PCDHA4: variants seen among roughly 807,000 people sequenced by gnomAD.
PCDHA4 encodes protocadherin alpha 4.
PCDHA4 carries 49 observed loss-of-function variants against 61.4 expected under a neutral mutation model. That is an observed-to-expected ratio of 0.80 (90% CI 0.63 to 1.01). The LOEUF (loss-of-function observed/expected upper bound fraction) is 1.01, where lower values mean the gene tolerates loss of function less well. Among genes scored for constraint, PCDHA4 ranks in the 50% least tolerant of loss-of-function variants. The pLI, the probability that PCDHA4 is intolerant of heterozygous loss-of-function variation, is 0.00. For synonymous variants in PCDHA4, 590 were observed against 550.3 expected (o/e 1.07, Z -1.01); for missense variants, 1,254 against 1,235.8 (o/e 1.01, Z -0.22).
chr5:140,850,641 C>G lies in PCDHA4; in HGVS notation c.2385+41069C>G, dbSNP rs2041729917. 1.9e-6 allele frequency: 3 copies of G among 1,598,540 alleles called. No homozygotes were observed. Among genetic ancestry groups the G allele is most frequent in the African/African-American group, 1.3e-5 (1 of 74,394 alleles). On this transcript the variant is annotated intron_variant, in intron 1 of 3. Coordinates refer to ENST00000530339, the MANE Select transcript of PCDHA4 (RefSeq NM_018907.4). ...GTCTAGCCTGTTGGTTCTCACGCTG[C>G]TGCTGTACACTGTGCTGCGGTGCTC...
intron 3 of PCDHA4, among the ~76,000 whole-genome samples, chr5:140,990,741 G>A (rs528078912): frequency 4.3e-4 from 65 of 152,270 alleles, no homozygotes; most frequent in African/African-American, 1.2e-3. Context: ...ACAGCCCTAG[G>A]GTGGATACCT....
intron 1 of PCDHA4, among the ~76,000 whole-genome samples, chr5:140,817,959 T>G (rs1302606162): frequency 6.6e-6 from 1 of 152,216 alleles, no homozygotes; most frequent in Non-Finnish European, 1.5e-5. Context: ...TCAATTAGTG[T>G]GTCTTTTTTT....
chr5:140,876,195 G>A (rs1554168359), intron 1 of PCDHA4: 2 of 1,613,944 alleles, frequency 1.2e-6, no homozygotes, highest in Admixed American at 1.7e-5. Flanking sequence ...ATGGTCCGGC[G>A]TTTGATAAGC....
chr5:140,832,249 G>A (rs1268506433), intron 1 of PCDHA4, among the ~76,000 whole-genome samples: 1 of 152,168 alleles, frequency 6.6e-6, no homozygotes, highest in Non-Finnish European at 1.5e-5. Context: ...TGTTGTCCAT[G>A]TTCCCAGGAA....
At position 140,842,992 on chromosome 5, in the gene PCDHA4, C is replaced by G. The variant is rs144435690; in HGVS notation, c.2385+33420C>G. On this transcript the variant is annotated intron_variant, in intron 1 of 3. Coordinates refer to ENST00000530339, the MANE Select transcript of PCDHA4 (RefSeq NM_018907.4). The stretch of plus-strand genomic sequence containing the variant: ...TGACGCTGCAGGTGTTCGTGCTGGA[C>G]GAGAATGACAACGCGCCGGCACTGC... 42 of 1,594,970 alleles carry G rather than the reference C, an allele frequency of 2.6e-5. 1 individual carries two copies. In the African/African-American group the frequency reaches 5.2e-4, roughly 20 times the overall value.
chr5:140,874,547 G>C (rs2054980934), intron 1 of PCDHA4, among the ~76,000 whole-genome samples: 1 of 152,190 alleles, frequency 6.6e-6, no homozygotes, highest in Non-Finnish European at 1.5e-5. Context: ...AACCCTTTAA[G>C]AGATCTTTCG....
intron 1 of PCDHA4, chr5:140,966,689 G>A (rs1002366053): frequency 2.2e-6 from 3 of 1,343,650 alleles, no homozygotes; most frequent in Non-Finnish European, 2.9e-6. Context: ...GAGCGGAGGC[G>A]GGGCCCGGGC....
chr5:140,983,005 A>AAAGG (rs1223217874), intron 3 of PCDHA4, among the ~76,000 whole-genome samples: 11 of 152,228 alleles, frequency 7.2e-5, no homozygotes, highest in African/African-American at 2.4e-4. Flanking sequence ...AAAGAAAGAA[A>AAAGG]AAGGAAGGAA....
intron 1 of PCDHA4, chr5:140,875,365 A>T: frequency 6.9e-7 from 1 of 1,449,394 alleles, no homozygotes; most frequent in Non-Finnish European, 9.1e-7. Context: ...TGCTGGAAAA[A>T]ATTTACTAAA....
At chr5:140,974,894 A>C (rs1554236433) in intron 1 of PCDHA4, among the ~76,000 whole-genome samples, 2 of 152,184 alleles carry the variant, frequency 1.3e-5, no homozygotes, top group Admixed American at 6.5e-5. Context: ...TTTTCTGATG[A>C]TTTGTAACAA....
At chr5:140,975,523 A>T (rs1275717294) in intron 1 of PCDHA4, among the ~76,000 whole-genome samples, 1 of 152,196 alleles carries the variant, frequency 6.6e-6, no homozygotes, top group African/African-American at 2.4e-5. Flanking sequence ...TCTGCAGTGG[A>T]TATATTCTTA....
intron 1 of PCDHA4, chr5:140,863,197 C>A: frequency 1.1e-6 from 1 of 888,970 alleles, no homozygotes; most frequent in Non-Finnish European, 1.8e-6. Flanking sequence ...GGTGGCGTCG[C>A]TGGCGGAGAG....
Position 140,934,368 on chromosome 5 carries a change from CCTT to C in PCDHA4, c.2386-44578_2386-44576del, listed in dbSNP as rs1168343483. Among the ~76,000 whole-genome samples, 5 of 152,220 alleles carry C rather than the reference CCTT, an allele frequency of 3.3e-5. No homozygotes were observed. In the South Asian group the frequency reaches 1.0e-3, roughly 32 times the overall value. On this transcript the variant is annotated intron_variant, in intron 1 of 3. Transcript: ENST00000530339. ...ACAGTGTGGAGCCACTGCTTTGACT[CCTT>C]CTGTGGTTCTATGGTGGCCAGCTTT...
At chr5:140,822,420 TGGA>T (rs1767306523) in intron 1 of PCDHA4, 1 of 1,613,970 alleles carries the variant, frequency 6.2e-7, no homozygotes, top group Non-Finnish European at 8.5e-7. Context: ...TTGCAACTGA[TGGA>T]GGAAAACCCG....
chr5:140,988,512 T>TCC (rs2097301181), intron 3 of PCDHA4, among the ~76,000 whole-genome samples: 1 of 152,218 alleles, frequency 6.6e-6, no homozygotes, highest in Non-Finnish European at 1.5e-5. Flanking sequence ...TGAAGCTTAC[T>TCC]TAAGTCTCTG....
chr5:140,987,005 T>C (rs1587197864), intron 3 of PCDHA4, among the ~76,000 whole-genome samples: 1 of 152,008 alleles, frequency 6.6e-6, no homozygotes. Context: ...CTTGAGGTCA[T>C]GAGTTCGAGA....
At chr5:140,871,488 C>G (rs370808040) in intron 1 of PCDHA4, 14 of 1,591,168 alleles carry the variant, frequency 8.8e-6, no homozygotes, top group African/African-American at 1.3e-5. Context: ...CAAATCACCC[C>G]GGACAGGTGA....
chr5:140,871,570 T>A, intron 1 of PCDHA4: 1 of 1,480,760 alleles, frequency 6.8e-7, no homozygotes, highest in Non-Finnish European at 9.0e-7. Context: ...TTCACGGATT[T>A]TTTAAGGGAA....
At chr5:140,948,253 A>C (rs782144804) in intron 1 of PCDHA4, among the ~76,000 whole-genome samples, 14 of 151,624 alleles carry the variant, frequency 9.2e-5, no homozygotes, top group Admixed American at 2.6e-4. Flanking sequence ...ATATTTTTAC[A>C]TCTGTGTTCA....
Sources: gnomAD v4.1 joint callset for allele counts (sites outside exome capture counted in the v4.1 genomes callset) on GRCh38, gnomAD v4.1.1 for gene constraint, MANE v1.5 for transcripts, NCBI Gene and HGNC (gene_info 2026-07-23, HGNC 2026-07-21) for gene names.